Variants in HTT observed in about 807,000 individuals in gnomAD.
HTT encodes huntingtin.
HTT carries 104 observed loss-of-function variants against 362.3 expected under a neutral mutation model. That is an observed-to-expected ratio of 0.29 (90% CI 0.24 to 0.34). The LOEUF (loss-of-function observed/expected upper bound fraction) is 0.34, where lower values mean the gene tolerates loss of function less well. Among genes scored for constraint, HTT ranks in the 10% least tolerant of loss-of-function variants. The probability of loss-of-function intolerance (pLI) is 1.00; values close to 1 mark genes in which losing one functional copy is unlikely to be tolerated. For synonymous variants in HTT, 1,577 were observed against 1,548.7 expected, an observed-to-expected ratio of 1.02 and a Z score of -0.43; for missense variants, 3,301 against 3,928.6, an observed-to-expected ratio of 0.84 and a Z score of 4.27.
At position 3,173,017 on chromosome 4, in the gene HTT, G is replaced by A; in HGVS notation, c.4052G>A (p.Arg1351Lys). The A allele has an allele frequency of 6.2e-7, 1 of 1,614,156 alleles. No homozygotes were observed. Among genetic ancestry groups the A allele is most frequent in the Non-Finnish European group, 8.5e-7 (1 of 1,180,032 alleles). ...CAGCGCCTTGGCTCCTCCAGTGTGA[G>A]GCCAGGCTTGTACCACTACTGCTTC... ...RAQRLGSSSVRPGLYHYCFMA... is the reference protein window; with the variant it reads ...RAQRLGSSSVKPGLYHYCFMA... The change falls in exon 31 of 67, where the codon AGG (arginine) becomes AAG (lysine). Residue 1351 changes from arginine to lysine, a missense_variant. Around this residue, in one of 4 missense-constraint regions of HTT, gnomAD observed 2,316 missense variants for 2,658.5 expected, o/e 0.87. Coordinates refer to ENST00000355072, the MANE Select transcript of HTT (RefSeq NM_001388492.1).
chr4:3,238,522 A>G lies in HTT; in HGVS notation c.8967A>G (p.Pro2989=), dbSNP rs759301022. ...CCCAGTTTCTAGACGACTTCTTCCC[A>G]CCCCAGGACATCATGAACAAAGTCA... ...ILPQFLDDFF[P]PQDIMNKVIG... Residue 2989 remains proline, a synonymous_variant, in exon 65 of 67, where the codon CCA becomes CCG. Transcript: ENST00000355072. 2 of 1,612,746 alleles carry G rather than the reference A, an allele frequency of 1.2e-6. No individual in the cohort carries two copies. Among genetic ancestry groups the G allele is most frequent in the Non-Finnish European group, 1.7e-6 (2 of 1,179,410 alleles).
intron 1 of HTT, among the ~76,000 whole-genome samples, chr4:3,084,518 C>T (rs2110139510): frequency 6.6e-6 from 1 of 151,936 alleles, no homozygotes; most frequent in South Asian, 2.1e-4. Context: ...GATGAAACCC[C>T]ATCTTGACTA....
chr4:3,226,018 T>C (rs1720894428), intron 57 of HTT, among the ~76,000 whole-genome samples: 1 of 151,930 alleles, frequency 6.6e-6, no homozygotes, highest in South Asian at 2.1e-4. Flanking sequence ...TAAGAGACAG[T>C]GAGAGGGCGT....
rs1208773434 is a variant in HTT at position 3,107,355 on chromosome 4, A to T, written c.679A>T (p.Thr227Ser). 1.2e-6 allele frequency: 2 copies of T among 1,614,092 alleles called. No homozygotes were observed. The highest frequency in any genetic ancestry group is 4.5e-5 in the East Asian group (2 of 44,882). ...SKRPEESVQE[T>S]LAAAVPKIMA... ...GAGACCCGAAGAATCAGTCCAGGAG[A>T]CCTTGGCTGCAGCTGTTCCCAAAAT... Residue 227 changes from threonine to serine, a missense_variant, in exon 6 of 67, where the codon ACC becomes TCC. Transcript: ENST00000355072.
At chr4:3,223,689 G>T in intron 55 of HTT, 129 bp downstream of exon 55, 1 of 897,532 alleles carries the variant, frequency 1.1e-6, no homozygotes. Context: ...CACCGTCCGT[G>T]TGGCCTGTGC....
chr4:3,196,246 C>A (rs1264798084), intron 40 of HTT, among the ~76,000 whole-genome samples: 3 of 152,134 alleles, frequency 2.0e-5, no homozygotes, highest in Non-Finnish European at 4.4e-5. Flanking sequence ...GAGCCTCTGT[C>A]CAGTTGTTCC....
At chr4:3,079,783 G>T (rs913163390) in intron 1 of HTT, among the ~76,000 whole-genome samples, 4 of 152,174 alleles carry the variant, frequency 2.6e-5, no homozygotes, top group Admixed American at 2.0e-4. Flanking sequence ...GGGAACACCG[G>T]CAAAAGCAGA....
intron 26 of HTT, among the ~76,000 whole-genome samples, chr4:3,149,797 T>C (rs1716790091): frequency 6.6e-6 from 1 of 152,214 alleles, no homozygotes; most frequent in Admixed American, 6.5e-5. Flanking sequence ...GAGGTGGACC[T>C]TGTTTGCAAG....
chr4:3,147,041 T>C, intron 25 of HTT, 93 bp downstream of exon 25: 1 of 1,221,952 alleles, frequency 8.2e-7, no homozygotes, highest in East Asian at 2.3e-5. Context: ...GGGAAAATAC[T>C]ATAAGGTCAT....
intron 40 of HTT, among the ~76,000 whole-genome samples, chr4:3,191,085 C>G (rs1718990730): frequency 6.6e-6 from 1 of 152,158 alleles, no homozygotes; most frequent in Non-Finnish European, 1.5e-5. Flanking sequence ...GAAAGAGATG[C>G]CATCCTTCTA....
At chr4:3,148,241 C>CA in intron 26 of HTT, 34 bp downstream of exon 26, 4 of 1,450,860 alleles carry the variant, frequency 2.8e-6, no homozygotes, top group Non-Finnish European at 3.7e-6. Context: ...ATTCATACAG[C>CA]CTTAATGACT....
At chr4:3,225,626 G>A in intron 56 of HTT, 35 bp from the exon 57 acceptor site, 2 of 1,599,338 alleles carry the variant, frequency 1.3e-6, no homozygotes, top group African/African-American at 1.3e-5. Flanking sequence ...CTGCCCCCCT[G>A]TGCAGATCAA....
Position 3,233,339 on chromosome 4 carries a change from G to A in HTT, c.8442G>A (p.Leu2814=). ...TCAGCGACTATCTCCTCTCCAACCT[G>A]AAAGGGATCGCCCAGTGAGTGGGAG... The part of the protein sequence containing the change: ...PVISDYLLSN[L]KGIAHCVNIH... Residue 2814 remains leucine, a synonymous_variant, in exon 61 of 67, where the codon CTG becomes CTA. Transcript: ENST00000355072. 6.2e-7 allele frequency: 1 copy of A among 1,601,100 alleles called. No homozygotes were observed. The highest frequency in any genetic ancestry group is 1.1e-5 in the South Asian group (1 of 90,704).
intron 11 of HTT, among the ~76,000 whole-genome samples, chr4:3,125,996 A>T (rs1715503995): frequency 6.6e-6 from 1 of 152,062 alleles, no homozygotes; most frequent in African/African-American, 2.4e-5. Context: ...TTGCCTATGG[A>T]TAGTTTAACT....
Position 3,187,732 on chromosome 4 carries a change from A to G in HTT, c.5071A>G (p.Ile1691Val), listed in dbSNP as rs1449504754. The change falls in exon 39 of 67, where the codon ATT becomes GTT. Residue 1691 changes from isoleucine (I) to valine (V), a missense_variant. Coordinates refer to ENST00000355072, the MANE Select transcript of HTT (RefSeq NM_001388492.1). ...RVLISQSTED[I>V]VLSRIQELSF... ...TCTGATTTCCCAGTCAACTGAAGATATTGTTCTTTCTCGTATTCAGGAGCT... is the reference window on the plus strand; with the variant it reads ...TCTGATTTCCCAGTCAACTGAAGATGTTGTTCTTTCTCGTATTCAGGAGCT... 3 of 1,614,086 alleles carry G rather than the reference A, an allele frequency of 1.9e-6. No homozygotes were observed. The highest frequency in any genetic ancestry group is 2.5e-6 in the Non-Finnish European group (3 of 1,179,964).
rs34389685 is a variant in HTT at position 3,131,386 on chromosome 4, G to A, written c.2087G>A (p.Gly696Glu). The A allele has an allele frequency of 3.7e-3, 5,982 of 1,612,756 alleles. 15 individuals carry two copies. The highest frequency in any genetic ancestry group is 4.6e-3 in the Non-Finnish European group (5,439 of 1,178,890). ...TTATCTGCTTCGTTTTTGCTAACAG[G>A]GGGAAAAAATGGTGAGTACAAAAGG... ...RLLSASFLLT[G>E]GKNVLVPDRD... is the part of the protein sequence containing the mutation. Residue 696 changes from glycine to glutamate, a missense_variant, in exon 15 of 67, where the codon GGG becomes GAG. This residue lies in a region of HTT where 2,316 missense variants were observed against 2,658.5 expected (regional missense o/e 0.87). Coordinates refer to ENST00000355072, the MANE Select transcript of HTT (RefSeq NM_001388492.1).
chr4:3,085,763 C>G (rs1245439735), intron 1 of HTT, among the ~76,000 whole-genome samples: 1 of 152,110 alleles, frequency 6.6e-6, no homozygotes, highest in East Asian at 1.9e-4. Context: ...ACTTAGTAGT[C>G]TTTTAGTTTA....
At chr4:3,208,573 A>G (rs1366106910) in intron 45 of HTT, among the ~76,000 whole-genome samples, 200 bp from the exon 46 acceptor site, 1 of 152,250 alleles carries the variant, frequency 6.6e-6, no homozygotes, top group African/African-American at 2.4e-5. Context: ...CTGCATTTGT[A>G]TCATGACCTG....
At chr4:3,101,213 T>G (rs28580164) in intron 3 of HTT, among the ~76,000 whole-genome samples, 8,528 of 152,280 alleles carry the variant, frequency 0.056, 406 homozygotes, top group African/African-American at 0.13. Flanking sequence ...TCCTTCATTT[T>G]TTTTCCAGGA....
Sources: allele counts gnomAD v4.1 joint callset (sites outside exome capture counted in the v4.1 genomes callset), GRCh38; gene constraint gnomAD v4.1.1; regional missense constraint gnomAD v4.1.1; transcripts MANE v1.5; gene names NCBI Gene and HGNC (gene_info 2026-07-23, HGNC 2026-07-21).